SIPA1L1: variants seen among roughly 807,000 people sequenced by gnomAD.
The protein encoded by SIPA1L1 is signal-induced proliferation-associated 1-like protein 1.
A neutral mutation model predicts 162.7 loss-of-function variants in SIPA1L1; 26 were observed. That is an observed-to-expected ratio of 0.16 (90% CI 0.12 to 0.22). SIPA1L1 has a LOEUF of 0.22. Among genes scored for constraint, SIPA1L1 ranks in the 10% least tolerant of loss-of-function variants. SIPA1L1 has a pLI of 1.00. For missense variants in SIPA1L1, 1,874 were observed against 2,241.0 expected, an observed-to-expected ratio of 0.84 and a Z score of 3.31; for synonymous variants, 829 against 837.4, an observed-to-expected ratio of 0.99 and a Z score of 0.17.
chr14:71,579,303 A>G (rs954272382), intron 4 of SIPA1L1, among the ~76,000 whole-genome samples: 1 of 151,566 alleles, frequency 6.6e-6, no homozygotes, highest in African/African-American at 2.4e-5. Flanking sequence ...TTTTTTTTCT[A>G]TATTTCTAGG....
chr14:71,335,266 C>T (rs1386069124), intron 2 of SIPA1L1, among the ~76,000 whole-genome samples: 1 of 152,174 alleles, frequency 6.6e-6, no homozygotes, highest in Non-Finnish European at 1.5e-5. Context: ...CGTGCCACTG[C>T]ACTCTACCCT....
intron 2 of SIPA1L1, among the ~76,000 whole-genome samples, chr14:71,443,031 A>G (rs1595486958): frequency 6.6e-6 from 1 of 152,340 alleles, no homozygotes; most frequent in South Asian, 2.1e-4. Context: ...GGCATGTTGC[A>G]CATTGAGATG....
intron 12 of SIPA1L1, among the ~76,000 whole-genome samples, chr14:71,679,416 C>A (rs928981656): frequency 3.3e-5 from 5 of 152,168 alleles, no homozygotes; most frequent in African/African-American, 9.7e-5. Flanking sequence ...GCCTGCCCTA[C>A]AAGAGCTCCT....
chr14:71,529,405 G>T (rs1171553062), intron 4 of SIPA1L1, 35 bp downstream of exon 4: 2 of 589,156 alleles, frequency 3.4e-6, no homozygotes, highest in South Asian at 2.1e-5. Flanking sequence ...TGACCTACCT[G>T]CTTTACAAAG....
At chr14:71,608,931 A>G (rs936599973) in intron 5 of SIPA1L1, among the ~76,000 whole-genome samples, 4 of 152,150 alleles carry the variant, frequency 2.6e-5, no homozygotes, top group Non-Finnish European at 4.4e-5. Context: ...AAAACTTCCA[A>G]TTATAAAAGT....
At chr14:71,446,152 A>C (rs1285413941) in intron 2 of SIPA1L1, among the ~76,000 whole-genome samples, 1 of 152,128 alleles carries the variant, frequency 6.6e-6, no homozygotes. Context: ...CCTGGCTCAC[A>C]CTTTTTGTTT....
intron 2 of SIPA1L1, among the ~76,000 whole-genome samples, chr14:71,478,300 AT>A (rs1555433429): frequency 1.3e-5 from 2 of 151,636 alleles, no homozygotes; most frequent in Non-Finnish European, 2.9e-5. Context: ...TGATTTGCAA[AT>A]TTTTTTCCAA....
chr14:71,587,746 A>C lies in SIPA1L1; in HGVS notation c.-127A>C. Reference sequence around the variant, plus strand: ...AAAGCATCATTTAACCTTTTAAATGAAAAAGATTAAGATCTCATGCAACTG... The same window carrying C: ...AAAGCATCATTTAACCTTTTAAATGCAAAAGATTAAGATCTCATGCAACTG... On this transcript the variant is annotated 5_prime_UTR_variant, in exon 5 of 24. Coordinates refer to ENST00000381232, the MANE Select transcript of SIPA1L1 (RefSeq NM_001386936.1). 1 of 887,216 alleles carries C rather than the reference A, an allele frequency of 1.1e-6. No homozygotes were observed. The highest frequency in any genetic ancestry group is 1.7e-6 in the Non-Finnish European group (1 of 582,192). The allele number at this position is 887,216 out of a possible 1,614,324, so 55.0% of individuals were successfully genotyped here. A position where few individuals can be genotyped will look rare whatever the true frequency, so the allele number is the denominator to read the frequency against.
At chr14:71,422,300 CT>C (rs1051523733) in intron 2 of SIPA1L1, among the ~76,000 whole-genome samples, 1 of 152,082 alleles carries the variant, frequency 6.6e-6, no homozygotes, top group African/African-American at 2.4e-5. Flanking sequence ...TTTGTTGTTG[CT>C]TTTTCCTTTT....
In SIPA1L1 at chr14:71,709,532, A is replaced by C; in HGVS notation, c.4076A>C (p.Glu1359Ala). Residue 1359 changes from glutamate (E) to alanine (A), a missense_variant, in exon 17 of 24, where the codon GAG (glutamate) becomes GCG (alanine). Transcript: ENST00000381232. ...ATGGCAGATCGGACTTTGGAGACAG[A>C]GAGCCACGGCCTGGACCGGAAAACA... The part of the protein sequence containing the change: ...ISMADRTLET[E>A]SHGLDRKTES... 1 of 1,614,240 alleles carries C rather than the reference A, an allele frequency of 6.2e-7. No homozygotes were observed.
At chr14:71,608,608 ATCT>A (rs1247403511) in intron 5 of SIPA1L1, among the ~76,000 whole-genome samples, 1 of 152,184 alleles carries the variant, frequency 6.6e-6, no homozygotes, top group Non-Finnish European at 1.5e-5. Context: ...AAAAAAAGAA[ATCT>A]TCTGGCCAGG....
chr14:71,407,213 C>A (rs1027841725), intron 2 of SIPA1L1, among the ~76,000 whole-genome samples: 7 of 152,116 alleles, frequency 4.6e-5, no homozygotes, highest in Non-Finnish European at 8.8e-5. Context: ...AAAAAATACT[C>A]CTCACCTTGT....
At chr14:71,446,658 G>A (rs187900313) in intron 2 of SIPA1L1, among the ~76,000 whole-genome samples, 1 of 151,968 alleles carries the variant, frequency 6.6e-6, no homozygotes, top group Non-Finnish European at 1.5e-5. Flanking sequence ...GTGTTTTTTT[G>A]TGTGTGTGCA....
chr14:71,622,976 C>CCTT (rs1381201375), intron 6 of SIPA1L1, among the ~76,000 whole-genome samples: 3 of 152,178 alleles, frequency 2.0e-5, no homozygotes, highest in African/African-American at 7.2e-5. Context: ...AATCTCCATA[C>CCTT]CTTTGCTCAT....
intron 5 of SIPA1L1, among the ~76,000 whole-genome samples, chr14:71,603,732 C>T (rs752309608): frequency 6.6e-6 from 1 of 151,644 alleles, no homozygotes; most frequent in Non-Finnish European, 1.5e-5. Flanking sequence ...ACCAGCCTGG[C>T]CAAGATGGTG....
chr14:71,672,213 G>A (rs2044605465), intron 11 of SIPA1L1, 135 bp from the exon 12 acceptor site: 7 of 820,062 alleles, frequency 8.5e-6, no homozygotes, highest in Non-Finnish European at 1.3e-5. Flanking sequence ...TAGTGAAGAG[G>A]AAATAACCAG....
intron 2 of SIPA1L1, among the ~76,000 whole-genome samples, chr14:71,412,260 C>T (rs1282503149): frequency 6.6e-6 from 1 of 152,168 alleles, no homozygotes; most frequent in Non-Finnish European, 1.5e-5. Context: ...TGAATGCAGC[C>T]CAACACAAAC....
chr14:71,541,928 A>G (rs1012795302), intron 4 of SIPA1L1, among the ~76,000 whole-genome samples: 18 of 152,096 alleles, frequency 1.2e-4, no homozygotes, highest in African/African-American at 4.1e-4. Context: ...TATATTTCCC[A>G]TTGGATGGCA....
At chr14:71,572,116 C>T (rs551336741) in intron 4 of SIPA1L1, among the ~76,000 whole-genome samples, 8 of 152,196 alleles carry the variant, frequency 5.3e-5, no homozygotes, top group African/African-American at 1.7e-4. Context: ...GGTCTCTCTT[C>T]CTCTTCTTAT....
Sources: gnomAD v4.1 joint callset for allele counts (sites outside exome capture counted in the v4.1 genomes callset) on GRCh38, gnomAD v4.1.1 for gene constraint, MANE v1.5 for transcripts, NCBI Gene and HGNC (gene_info 2026-07-23, HGNC 2026-07-21) for gene names.